The following CEP192 variants were observed in gnomAD, a reference collection of about 807,000 sequenced individuals.
The protein encoded by CEP192 is centrosomal protein of 192 kDa.
Under a neutral mutation model 271.8 loss-of-function variants are expected in CEP192, and 151 were observed. That is an observed-to-expected ratio of 0.56 (90% confidence interval 0.49 to 0.64). The LOEUF (loss-of-function observed/expected upper bound fraction) is 0.64. Ranked by LOEUF, CEP192 falls within the 30% of genes least tolerant of loss-of-function variation. The pLI is 0.00. For synonymous variants in CEP192, 995 were observed against 1,076.5 expected (o/e 0.92, Z 1.48); for missense variants, 2,910 against 3,020.5 (o/e 0.96, Z 0.86).
At chr18:13,118,319 A>G (rs1183122602) in intron 44 of CEP192, among the ~76,000 whole-genome samples, 4 of 152,242 alleles carry the variant, frequency 2.6e-5, no homozygotes, top group African/African-American at 9.6e-5. Flanking sequence ...TTAGGAGACT[A>G]TTCCAGAAAC....
At chr18:13,086,076 G>C (rs1400192954) in intron 30 of CEP192, among the ~76,000 whole-genome samples, 1 of 152,138 alleles carries the variant, frequency 6.6e-6, no homozygotes, top group Non-Finnish European at 1.5e-5. Flanking sequence ...GTGGTTTGTA[G>C]TTCTCCTTGA....
rs1306809027 is a variant in CEP192, at chr18:13,049,548, T to C, written c.2757T>C (p.Cys919=). Residue 919 remains cysteine, a synonymous_variant, in exon 16 of 45, where the codon TGT becomes TGC. Transcript: ENST00000506447. The part of the protein sequence containing the change: ...SVRNPRITSL[C]LLKDCEEIRD... ...GGAACCCCAGAATAACATCCCTTTG[T>C]CTGTTAAAAGACTGTGAAGAAATAC... 1 of 1,614,028 alleles carries C rather than the reference T, an allele frequency of 6.2e-7. No individual in the cohort carries two copies. Among genetic ancestry groups the C allele is most frequent in the Admixed American group, 1.7e-5 (1 of 60,002 alleles).
chr18:13,116,613 T>C (rs2040442361), intron 43 of CEP192, 110 bp downstream of exon 43: 1 of 1,151,726 alleles, frequency 8.7e-7, no homozygotes, highest in Non-Finnish European at 1.2e-6. Context: ...AAGAATGAGG[T>C]AATTTTTCTT....
At chr18:13,103,482 G>T in intron 38 of CEP192, 27 bp from the exon 39 acceptor site, 1 of 1,585,996 alleles carries the variant, frequency 6.3e-7, no homozygotes, top group South Asian at 1.1e-5. Context: ...CTCCGAGTTT[G>T]AGTTATGATA....
At chr18:13,013,586 A>G (rs1372975596) in intron 5 of CEP192, among the ~76,000 whole-genome samples, 1 of 152,130 alleles carries the variant, frequency 6.6e-6, no homozygotes, top group Non-Finnish European at 1.5e-5. Context: ...GCCTGGATCT[A>G]ATGTCCACTT....
intron 11 of CEP192, among the ~76,000 whole-genome samples, chr18:13,036,941 G>A (rs2035953079): frequency 6.6e-6 from 1 of 152,234 alleles, no homozygotes; most frequent in Admixed American, 6.5e-5. Context: ...CAATGCAAGA[G>A]TGCCAAACTC....
In CEP192 at chr18:13,014,326, A is replaced by G. The variant is rs572378389; in HGVS notation, c.520-1002A>G. Among the ~76,000 whole-genome samples, 4 of 152,314 alleles carry G rather than the reference A, an allele frequency of 2.6e-5. No individual in the cohort carries two copies. The East Asian group carries it at 7.7e-4, about 29-fold the overall frequency. ...TGATTAAAAAGAGGAAGAAATGAGA[A>G]TAGGGGAAAATAAACGTGTTAGAAA... On this transcript the variant is annotated intron_variant, in intron 5 of 44. Coordinates refer to ENST00000506447, the MANE Select transcript of CEP192 (RefSeq NM_032142.4).
chr18:13,068,581 C>G (rs769627740), intron 24 of CEP192, among the ~76,000 whole-genome samples, 159 bp downstream of exon 24: 1 of 152,210 alleles, frequency 6.6e-6, no homozygotes, highest in Non-Finnish European at 1.5e-5. Context: ...TGTTTTGGGT[C>G]AATCCTGTGT....
intron 44 of CEP192, among the ~76,000 whole-genome samples, chr18:13,122,726 C>A (rs1030838465): frequency 6.6e-6 from 1 of 152,210 alleles, no homozygotes; most frequent in Non-Finnish European, 1.5e-5. Context: ...TCCCTAGATG[C>A]ATTTCTGCTC....
intron 15 of CEP192, among the ~76,000 whole-genome samples, chr18:13,044,752 C>G (rs1169321469): frequency 6.6e-6 from 1 of 152,112 alleles, no homozygotes; most frequent in Non-Finnish European, 1.5e-5. Flanking sequence ...GAGATGAATG[C>G]TCTTTCTTAT....
chr18:13,041,085 G>T (rs1598430064), intron 14 of CEP192, 129 bp downstream of exon 14: 3 of 735,556 alleles, frequency 4.1e-6, no homozygotes, highest in African/African-American at 3.6e-5. Flanking sequence ...CTCAGTGTTG[G>T]TTATAGATTT....
chr18:13,096,866 C>G lies in CEP192; in HGVS notation c.6557+559C>G, dbSNP rs576533200. On this transcript the variant is annotated intron_variant, in intron 36 of 44. Transcript: ENST00000506447. ...GGGCCGGCCATTTATACACAGCTGCCTGCCCTCTGTCCACAGCCTGGTTGT... is the reference window on the plus strand; with the variant it reads ...GGGCCGGCCATTTATACACAGCTGCGTGCCCTCTGTCCACAGCCTGGTTGT... Among the ~76,000 whole-genome samples the G allele has an allele frequency of 3.4e-4, 52 of 152,322 alleles. 1 individual carries two copies. The highest frequency in any genetic ancestry group is 5.0e-4 in the Non-Finnish European group (34 of 68,028).
chr18:13,112,491 A>G (rs375718081), intron 40 of CEP192, among the ~76,000 whole-genome samples: 1 of 152,220 alleles, frequency 6.6e-6, no homozygotes, highest in African/African-American at 2.4e-5. Context: ...TAAAGTTCCC[A>G]GTATGTGCCT....
chr18:13,113,813 T>C, intron 41 of CEP192, 108 bp downstream of exon 41: 3 of 1,031,668 alleles, frequency 2.9e-6, no homozygotes, highest in Non-Finnish European at 4.1e-6. Flanking sequence ...CCCCATAATC[T>C]TAATTTTCTT....
Position 13,057,578 on chromosome 18 carries a change from C to T in CEP192, c.4109-7C>T, listed in dbSNP as rs370680959. Reference sequence around the variant, plus strand: ...TGCATTTTTGACTGTGCCTTATTCTCACCCAGGGAGTGTCCGAGTGCCCGA... The same window carrying T: ...TGCATTTTTGACTGTGCCTTATTCTTACCCAGGGAGTGTCCGAGTGCCCGA... On this transcript the variant is annotated splice_region_variant and splice_polypyrimidine_tract_variant and intron_variant, in intron 19 of 44. Coordinates refer to ENST00000506447, the MANE Select transcript of CEP192 (RefSeq NM_032142.4). 20 of 1,612,550 alleles carry T rather than the reference C, an allele frequency of 1.2e-5. No individual in the cohort carries two copies. Among genetic ancestry groups the T allele is most frequent in the East Asian group, 2.2e-5 (1 of 44,862 alleles).
At chr18:13,075,438 C>A (rs1386779344) in intron 30 of CEP192, among the ~76,000 whole-genome samples, 1 of 152,160 alleles carries the variant, frequency 6.6e-6, no homozygotes, top group Non-Finnish European at 1.5e-5. Flanking sequence ...TGGTGGCACA[C>A]ACCTGTAGTC....
chr18:13,087,478 A>T, intron 31 of CEP192, 53 bp from the exon 32 acceptor site: 1 of 1,049,130 alleles, frequency 9.5e-7, no homozygotes, highest in South Asian at 1.6e-5. Flanking sequence ...ATCAGATTGA[A>T]ATTACTTAAA....
intron 21 of CEP192, among the ~76,000 whole-genome samples, chr18:13,062,824 A>G (rs2037480630): frequency 6.6e-6 from 1 of 152,028 alleles, no homozygotes; most frequent in Non-Finnish European, 1.5e-5. Context: ...GTAGGTCTTA[A>G]TTCATTCTTT....
intron 3 of CEP192, among the ~76,000 whole-genome samples, 177 bp from the exon 4 acceptor site, chr18:13,008,279 C>T (rs150390951): frequency 1.3e-5 from 2 of 152,088 alleles, no homozygotes; most frequent in Non-Finnish European, 2.9e-5. Flanking sequence ...TGGTTCAGTC[C>T]CCAGAATACA....
Sources: gnomAD v4.1 joint callset for allele counts (sites outside exome capture counted in the v4.1 genomes callset) on GRCh38, gnomAD v4.1.1 for gene constraint, MANE v1.5 for transcripts, NCBI Gene and HGNC (gene_info 2026-07-23, HGNC 2026-07-21) for gene names.